FHL2: variants seen among roughly 807,000 people sequenced by gnomAD.
The protein encoded by FHL2 is four and a half LIM domains 2, also known as four and a half LIM domains protein 2.
Under a neutral mutation model 32.7 loss-of-function variants are expected in FHL2, and 20 were observed. The ratio of observed to expected loss-of-function variants is 0.61; its 90% confidence interval spans 0.43 to 0.89. The LOEUF (loss-of-function observed/expected upper bound fraction) is 0.89. FHL2 is among the 40% of genes least tolerant of loss of function. The probability of loss-of-function intolerance (pLI) is 0.00; values close to 1 mark genes in which losing one functional copy is unlikely to be tolerated. For synonymous variants in FHL2, 123 were observed against 128.1 expected (o/e 0.96, Z 0.27); for missense variants, 311 against 358.6 (o/e 0.87, Z 1.07).
chr2:105,367,166 C>T (rs1350193759), intron 5 of FHL2, among the ~76,000 whole-genome samples: 2 of 152,186 alleles, frequency 1.3e-5, no homozygotes, highest in African/African-American at 4.8e-5. Context: ...TCTCTCTCCT[C>T]CCTTCCTCTC....
upstream of FHL2, chr2:105,399,444 A>C (rs1214219252): frequency 1.2e-5 from 18 of 1,536,018 alleles, no homozygotes; most frequent in Non-Finnish European, 1.6e-5. Flanking sequence ...GGAGGGGGTC[A>C]CTTCTCAGGA....
chr2:105,397,881 G>T (rs199584129), intron 1 of FHL2, among the ~76,000 whole-genome samples: 125 of 116,298 alleles, frequency 1.1e-3, no homozygotes, highest in African/African-American at 2.9e-3. Context: ...TTGTTTTTTT[G>T]TTTTTTGTTT....
intron 1 of FHL2, among the ~76,000 whole-genome samples, chr2:105,397,637 C>G (rs548244370): frequency 8.3e-4 from 126 of 152,290 alleles, no homozygotes; most frequent in African/African-American, 2.9e-3. Flanking sequence ...TAGCCTTCAT[C>G]GACATGTTAT....
intron 2 of FHL2, among the ~76,000 whole-genome samples, chr2:105,395,925 A>T (rs1683093816): frequency 6.6e-6 from 1 of 152,178 alleles, no homozygotes; most frequent in South Asian, 2.1e-4. Flanking sequence ...GACACCACCC[A>T]CGAGCACTGG....
intron 1 of FHL2, among the ~76,000 whole-genome samples, chr2:105,397,887 T>C (rs1398244314): frequency 9.6e-6 from 1 of 104,004 alleles, no homozygotes; most frequent in East Asian, 3.0e-4. Flanking sequence ...TTTTGTTTTT[T>C]GTTTTTTTTT....
At chr2:105,397,888 G>GTGT (rs1683253334) in intron 1 of FHL2, among the ~76,000 whole-genome samples, 18 of 138,530 alleles carry the variant, frequency 1.3e-4, no homozygotes, top group African/African-American at 4.4e-4. Context: ...TTTGTTTTTT[G>GTGT]TTTTTTTTTG....
intron 3 of FHL2, chr2:105,378,271 C>T (rs1681620907): frequency 4.5e-6 from 2 of 447,708 alleles, no homozygotes; most frequent in Admixed American, 4.9e-5. Flanking sequence ...AACTGTCCCT[C>T]TAAATGTGGA....
intron 1 of FHL2, among the ~76,000 whole-genome samples, chr2:105,409,029 G>T (rs1003430296): frequency 6.6e-6 from 1 of 152,152 alleles, no homozygotes; most frequent in Non-Finnish European, 1.5e-5. Context: ...AGCAGGAGGT[G>T]GGGGTAGGAA....
intron 2 of FHL2, among the ~76,000 whole-genome samples, chr2:105,389,322 G>A (rs1682552703): frequency 6.6e-6 from 1 of 152,226 alleles, no homozygotes; most frequent in South Asian, 2.1e-4. Flanking sequence ...GCTGGCACAA[G>A]ATTCAATGCT....
At chr2:105,400,686 A>ATTTTTTTTTTTTTTTTTT (rs57296524), upstream of FHL2, among the ~76,000 whole-genome samples, 2 of 132,804 alleles carry the variant, frequency 1.5e-5, no homozygotes, top group East Asian at 2.2e-4. Context: ...TTATATTTTA[A>ATTTTTTTTTTTTTTTTTT]TTTTTTTTTT....
At chr2:105,425,475 GT>G (rs1161134014) in intron 1 of FHL2, among the ~76,000 whole-genome samples, 3 of 151,980 alleles carry the variant, frequency 2.0e-5, no homozygotes, top group Admixed American at 1.3e-4. Flanking sequence ...CCCAACACCC[GT>G]AAAGGGTCTG....
Position 105,361,127 on chromosome 2 carries a change from AC to A in FHL2, c.*155del. ...CCCTGGGACTGAACTATCACAAAGC[AC>A]TAAAGGGTTTAAGCAAACGTGAGTA... On this transcript the variant is annotated 3_prime_UTR_variant, in exon 7 of 7. Coordinates refer to ENST00000530340, the MANE Select transcript of FHL2 (RefSeq NM_001318895.3). 1 of 705,678 alleles carries A rather than the reference AC, an allele frequency of 1.4e-6. No individual in the cohort carries two copies. Among genetic ancestry groups the A allele is most frequent in the Non-Finnish European group, 2.3e-6 (1 of 431,148 alleles). The allele number at this position is 705,678 out of a possible 1,614,324, so 43.7% of individuals were successfully genotyped here.
Position 105,373,458 on chromosome 2 carries a change from C to T in FHL2, c.331+101G>A, listed in dbSNP as rs1194338481. 1.3e-5 allele frequency: 17 copies of T among 1,299,212 alleles called. No homozygotes were observed. The Admixed American group carries it at 1.7e-4, about 13-fold the overall frequency. The allele number at this position is 1,299,212 out of a possible 1,614,324, so 80.5% of individuals were successfully genotyped here. Reference sequence around the variant, plus strand: ...TCAAGGTCAAACTGGAAAGTCAACACGAGTGTCTGGAACCAAGTCAATGTG... The same window carrying T: ...TCAAGGTCAAACTGGAAAGTCAACATGAGTGTCTGGAACCAAGTCAATGTG... On this transcript the variant is annotated intron_variant, in intron 4 of 6. Coordinates refer to ENST00000530340, the MANE Select transcript of FHL2 (RefSeq NM_001318895.3).
At chr2:105,412,988 A>T (rs1683841012) in intron 1 of FHL2, among the ~76,000 whole-genome samples, 1 of 152,208 alleles carries the variant, frequency 6.6e-6, no homozygotes, top group African/African-American at 2.4e-5. Flanking sequence ...TAGCTCAGTA[A>T]GGAAACTGAG....
At chr2:105,423,757 C>A (rs1432712486) in intron 1 of FHL2, among the ~76,000 whole-genome samples, 1 of 152,162 alleles carries the variant, frequency 6.6e-6, no homozygotes, top group African/African-American at 2.4e-5. Context: ...ACAAACCTGA[C>A]AAACAACAGA....
At chr2:105,397,889 T>TTG (rs72174066) in intron 1 of FHL2, among the ~76,000 whole-genome samples, 358 of 70,182 alleles carry the variant, frequency 5.1e-3, no homozygotes, top group Admixed American at 0.012. Context: ...TTGTTTTTTG[T>TTG]TTTTTTTTGT....
At chr2:105,374,011 TC>T in intron 3 of FHL2, 1 of 466,690 alleles carries the variant, frequency 2.1e-6, no homozygotes, top group East Asian at 4.0e-5. Context: ...CAAAGGGATT[TC>T]CCTTATGTAT....
intron 1 of FHL2, among the ~76,000 whole-genome samples, chr2:105,407,657 G>A (rs1010179317): frequency 6.6e-6 from 1 of 152,174 alleles, no homozygotes; most frequent in Non-Finnish European, 1.5e-5. Flanking sequence ...CCAGGTTACA[G>A]CATCCGCAGA....
Position 105,398,939 on chromosome 2 carries a change from C to A in FHL2, c.-173G>T. 6.5e-7 allele frequency: 1 copy of A among 1,535,624 alleles called. No individual in the cohort carries two copies. The highest frequency in any genetic ancestry group is 2.7e-5 in the East Asian group (1 of 37,106). ...CTGGTGGCTAAGCCCCTCGGCCTCC[C>A]TCCGGGGCGCAGGGGGTTGGAGGTA... On this transcript the variant is annotated 5_prime_UTR_variant, in exon 1 of 7. It adds an upstream start codon to the 5' untranslated region. Transcript: ENST00000530340.
Sources: gnomAD v4.1 joint callset for allele counts (sites outside exome capture counted in the v4.1 genomes callset) on GRCh38, gnomAD v4.1.1 for gene constraint, MANE v1.5 for transcripts, NCBI Gene and HGNC (gene_info 2026-07-23, HGNC 2026-07-21) for gene names.